MYO9B: variants seen among roughly 807,000 people sequenced by gnomAD.
MYO9B encodes the protein myosin IXB.
Under a neutral mutation model 229.5 loss-of-function variants are expected in MYO9B, and 71 were observed. The observed-to-expected ratio is 0.31, with a 90% confidence interval of 0.26 to 0.38. The LOEUF (loss-of-function observed/expected upper bound fraction) is 0.38, where lower values mean the gene tolerates loss of function less well. Among genes scored for constraint, MYO9B ranks in the 10% least tolerant of loss-of-function variants. The pLI, the probability that MYO9B is intolerant of heterozygous loss-of-function variation, is 1.00. For synonymous variants in MYO9B, 1,185 were observed against 1,235.8 expected, an observed-to-expected ratio of 0.96 and a Z score of 0.86; for missense variants, 2,255 against 2,920.5, an observed-to-expected ratio of 0.77 and a Z score of 5.25.
intron 14 of MYO9B, among the ~76,000 whole-genome samples, chr19:17,180,435 C>T (rs2072845741): frequency 6.9e-6 from 1 of 145,104 alleles, no homozygotes; most frequent in African/African-American, 2.6e-5. Flanking sequence ...TCACTGCAAC[C>T]TCTGCCTCCC....
chr19:17,143,499 A>G (rs891069190), intron 2 of MYO9B, among the ~76,000 whole-genome samples: 2 of 152,206 alleles, frequency 1.3e-5, no homozygotes, highest in Non-Finnish European at 2.9e-5. Flanking sequence ...TAACACAGGA[A>G]CAGAACACCT....
chr19:17,143,911 ACT>A (rs2072374460), intron 2 of MYO9B, among the ~76,000 whole-genome samples: 1 of 152,082 alleles, frequency 6.6e-6, no homozygotes, highest in Non-Finnish European at 1.5e-5. Flanking sequence ...ACAGGGCAAG[ACT>A]CTGTCTCAAA....
intron 7 of MYO9B, among the ~76,000 whole-genome samples, chr19:17,158,611 G>A (rs907785363): frequency 2.0e-5 from 3 of 151,422 alleles, no homozygotes; most frequent in African/African-American, 7.3e-5. Flanking sequence ...AAAAAAAGGA[G>A]AAAGCTGCCG....
chr19:17,133,888 G>T (rs1286494484), intron 2 of MYO9B, among the ~76,000 whole-genome samples: 1 of 152,140 alleles, frequency 6.6e-6, no homozygotes, highest in Non-Finnish European at 1.5e-5. Context: ...AGCCTCCCGA[G>T]TAGCTGAGAC....
intron 8 of MYO9B, among the ~76,000 whole-genome samples, chr19:17,159,722 C>T (rs892875284): frequency 1.3e-5 from 2 of 152,254 alleles, no homozygotes; most frequent in African/African-American, 2.4e-5. Context: ...CCAGATGTTC[C>T]GTGTGCATGC....
intron 2 of MYO9B, among the ~76,000 whole-genome samples, chr19:17,119,175 G>T (rs763384568): frequency 2.6e-5 from 4 of 152,240 alleles, no homozygotes; most frequent in Non-Finnish European, 5.9e-5. Flanking sequence ...GCCTTTGCAT[G>T]TGCTGTGCCC....
At position 17,198,165 on chromosome 19, in the gene MYO9B, C is replaced by G. The variant is rs3745161; in HGVS notation, c.4114-19C>G. 7.3e-4 allele frequency: 1,173 copies of G among 1,613,454 alleles called. 15 individuals carry two copies. The East Asian group carries it at 0.019, about 27-fold the overall frequency. ...CTGCCAGCCTTTCCTTAGCAGCCCC[C>G]CACTGCACCGTCTTGCAGCCTGCAG... On this transcript the variant is annotated intron_variant, in intron 23 of 39. Coordinates refer to ENST00000682292, the MANE Select transcript of MYO9B (RefSeq NM_004145.4).
At position 17,194,757 on chromosome 19, in the gene MYO9B, C is replaced by T. The variant is rs777370496; in HGVS notation, c.3330C>T (p.Pro1110=). ...EPEVQPSDRS[P]LEHSSPEKEA... ...AGGTGCAGCCAAGTGACAGGTCCCC[C>T]CTAGAGCACTCCTCACCTGAGAAGG... is the stretch of plus-strand genomic sequence containing the variant. The change falls in exon 22 of 40, where the codon CCC becomes CCT. Residue 1110 remains proline (P), a synonymous_variant. Transcript: ENST00000682292. The T allele has an allele frequency of 4.6e-5, 74 of 1,613,108 alleles. No individual in the cohort carries two copies. Among genetic ancestry groups the T allele is most frequent in the Non-Finnish European group, 5.9e-5 (70 of 1,179,886 alleles).
intron 2 of MYO9B, among the ~76,000 whole-genome samples, chr19:17,122,871 A>C (rs1443473256): frequency 3.3e-5 from 5 of 152,198 alleles, no homozygotes; most frequent in African/African-American, 4.8e-5. Context: ...CAAGGCAGGA[A>C]GCTCACTTGA....
intron 37 of MYO9B, 41 bp from the exon 38 acceptor site, chr19:17,210,674 A>C (rs1205226649): frequency 5.3e-6 from 8 of 1,498,676 alleles, no homozygotes; most frequent in Non-Finnish European, 7.1e-6. Context: ...AACCTCGCCC[A>C]CTCAGAGATG....
At chr19:17,179,534 G>A (rs112632995) in intron 14 of MYO9B, among the ~76,000 whole-genome samples, 16,029 of 146,674 alleles carry the variant, frequency 0.11, 1,076 homozygotes, top group Non-Finnish European at 0.15. Context: ...TCAAGCGATT[G>A]TCGTGCCTCA....
intron 2 of MYO9B, among the ~76,000 whole-genome samples, chr19:17,144,969 CAAAAAA>C (rs58527501): frequency 2.4e-5 from 2 of 83,554 alleles, no homozygotes; most frequent in African/African-American, 7.2e-5. Flanking sequence ...GACTTCATCT[CAAAAAA>C]AAAAAAAAAA....
rs142693688 is a variant in MYO9B at position 17,195,456 on chromosome 19, C to T, written c.4029C>T (p.Ala1343=). 1.0e-3 allele frequency: 1,591 copies of T among 1,598,394 alleles called. 15 individuals carry two copies. In the African/African-American group the frequency reaches 0.018, roughly 18 times the overall value. The part of the protein sequence containing the change: ...DLSDRHRATG[A]ALTPTEERRT... ...GCGACAGACACCGGGCCACAGGGGC[C>T]GCCCTCACGCCCACAGAGTAAGCCC... Residue 1343 remains alanine, a synonymous_variant, in exon 22 of 40, where the codon GCC becomes GCT. Transcript: ENST00000682292. This position sits in a 1 kb window ranked among gnomAD's most constrained non-coding sequence, Gnocchi z 4.5.
At chr19:17,180,406 T>C (rs1234336365) in intron 14 of MYO9B, among the ~76,000 whole-genome samples, 1 of 126,752 alleles carries the variant, frequency 7.9e-6, no homozygotes, top group Non-Finnish European at 1.6e-5. Context: ...TGGAGTGCAA[T>C]GGATGGCACT....
intron 35 of MYO9B, 102 bp downstream of exon 35, chr19:17,207,346 C>A: frequency 6.8e-7 from 1 of 1,466,588 alleles, no homozygotes; most frequent in Non-Finnish European, 9.2e-7. Context: ...TAAGAAAAGT[C>A]CAGAGCCGAG....
intron 9 of MYO9B, 109 bp downstream of exon 9, chr19:17,162,575 CA>C: frequency 1.1e-6 from 1 of 932,100 alleles, no homozygotes; most frequent in South Asian, 1.5e-5. Context: ...CATCTGCAAT[CA>C]AGAGGCTGTT....
chr19:17,210,610 C>T (rs2073216022), intron 37 of MYO9B, 105 bp from the exon 38 acceptor site: 2 of 1,385,858 alleles, frequency 1.4e-6, no homozygotes, highest in East Asian at 5.0e-5. Flanking sequence ...ACTAAGAGCC[C>T]AGCACACTCA....
At chr19:17,127,366 G>T (rs777882439) in intron 2 of MYO9B, among the ~76,000 whole-genome samples, 1 of 146,462 alleles carries the variant, frequency 6.8e-6, no homozygotes, top group African/African-American at 2.5e-5. Flanking sequence ...TTGCCCTGTC[G>T]CCCAGGCTGG....
chr19:17,185,789 C>G (rs1599404467), intron 17 of MYO9B, 132 bp from the exon 18 acceptor site: 4 of 662,108 alleles, frequency 6.0e-6, no homozygotes, highest in East Asian at 2.8e-5. Flanking sequence ...TGTGTCCCAC[C>G]ACCAGGGACC....
Sources: allele counts gnomAD v4.1 joint callset (sites outside exome capture counted in the v4.1 genomes callset), GRCh38; gene constraint gnomAD v4.1.1; non-coding constraint Gnocchi (gnomAD v3.1); transcripts MANE v1.5; gene names NCBI Gene and HGNC (gene_info 2026-07-23, HGNC 2026-07-21).